SUCO: variants seen among roughly 807,000 people sequenced by gnomAD.
SUCO encodes SUN domain-containing ossification factor.
A neutral mutation model predicts 148.1 loss-of-function variants in SUCO; 57 were observed. The observed-to-expected ratio is 0.38, with a 90% CI of 0.31 to 0.48. The LOEUF (loss-of-function observed/expected upper bound fraction) is 0.48, where lower values mean the gene tolerates loss of function less well. Ranked by LOEUF, SUCO falls within the 20% of genes least tolerant of loss-of-function variation. SUCO has a pLI of 0.96. For synonymous variants in SUCO, 470 were observed against 502.7 expected, an observed-to-expected ratio of 0.93 and a Z score of 0.87; for missense variants, 1,331 against 1,468.2, an observed-to-expected ratio of 0.91 and a Z score of 1.53.
At chr1:172,605,118 A>G (rs1657779481) in intron 22 of SUCO, among the ~76,000 whole-genome samples, 1 of 151,748 alleles carries the variant, frequency 6.6e-6, no homozygotes, top group Non-Finnish European at 1.5e-5. Context: ...ATTTTCTTTC[A>G]TCCTTTAGGT....
chr1:172,579,341 A>T, intron 15 of SUCO, 74 bp downstream of exon 15: 1 of 919,064 alleles, frequency 1.1e-6, no homozygotes, highest in Admixed American at 2.2e-5. Context: ...TTGTCATGGT[A>T]TGGTTGAGGA....
chr1:172,564,202 G>A (rs1654392119), intron 6 of SUCO, among the ~76,000 whole-genome samples: 1 of 152,238 alleles, frequency 6.6e-6, no homozygotes, highest in Admixed American at 6.5e-5. Flanking sequence ...ATATGGGGTG[G>A]GAACCCCCAA....
intron 6 of SUCO, among the ~76,000 whole-genome samples, chr1:172,558,953 T>A (rs944900009): frequency 3.3e-5 from 5 of 152,194 alleles, no homozygotes; most frequent in African/African-American, 9.6e-5. Flanking sequence ...AGAGTAGAAT[T>A]TTAATTAACT....
At chr1:172,538,247 T>C (rs943355749) in intron 1 of SUCO, among the ~76,000 whole-genome samples, 3 of 152,080 alleles carry the variant, frequency 2.0e-5, no homozygotes, top group East Asian at 3.9e-4. Context: ...AGAGTTGATA[T>C]CTAAATCAAG....
chr1:172,611,066 C>T lies in SUCO; in HGVS notation c.*807C>T, dbSNP rs1189879086. On this transcript the variant is annotated 3_prime_UTR_variant, in exon 24 of 24. Coordinates refer to ENST00000263688, the MANE Select transcript of SUCO (RefSeq NM_014283.5). ...GGTTTTCTTTAGCTTACATTTTAAA[C>T]ATACACAATAAACACTAATCCTCCA... The T allele has an allele frequency of 1.3e-5, 2 of 152,622 alleles. No homozygotes were observed. The highest frequency in any genetic ancestry group is 2.9e-5 in the Non-Finnish European group (2 of 68,026). 9.5% of individuals were successfully genotyped at this position (152,622 alleles called of 1,614,324 possible). A position where few individuals can be genotyped will look rare whatever the true frequency, so the allele number is the denominator to read the frequency against.
At chr1:172,549,672 T>C (rs561944561) in intron 1 of SUCO, among the ~76,000 whole-genome samples, 3 of 152,124 alleles carry the variant, frequency 2.0e-5, no homozygotes, top group African/African-American at 7.2e-5. Context: ...TCAGTTGCTA[T>C]ATTGTTTGGA....
At chr1:172,609,778 A>G (rs1658091826) in intron 23 of SUCO, 38 bp from the exon 24 acceptor site, 2 of 1,560,034 alleles carry the variant, frequency 1.3e-6, no homozygotes, top group East Asian at 4.5e-5. Flanking sequence ...TTACTATGGG[A>G]AGTATCATTA....
At chr1:172,573,313 C>T (rs73034032) in intron 9 of SUCO, among the ~76,000 whole-genome samples, 8,468 of 152,148 alleles carry the variant, frequency 0.056, 734 homozygotes, top group African/African-American at 0.19. Context: ...ATGATAGTTT[C>T]TGGTACCAGT....
chr1:172,589,247 G>A lies in SUCO; in HGVS notation c.2146G>A (p.Val716Ile). 3 of 1,613,930 alleles carry A rather than the reference G, an allele frequency of 1.9e-6. No homozygotes were observed. In the South Asian group the frequency reaches 3.3e-5, roughly 18 times the overall value. Residue 716 changes from valine (V) to isoleucine (I), a missense_variant, in exon 18 of 24, where the codon GTA (valine) becomes ATA (isoleucine). Val to Ile is a conservative substitution (Grantham distance 29, BLOSUM62 3). This residue lies in a region of SUCO where 992 missense variants were observed against 1,093.5 expected (regional missense o/e 0.91). Transcript: ENST00000263688. ...CCAGGATGACTTGGTGAATCACACT[G>A]TAGATGCAGTTGAACTTGAACCAAG... ...MHQDDLVNHT[V>I]DAVELEPSHS...
chr1:172,571,046 A>T (rs1161944753), intron 9 of SUCO, among the ~76,000 whole-genome samples: 2 of 152,210 alleles, frequency 1.3e-5, no homozygotes, highest in African/African-American at 4.8e-5. Flanking sequence ...GTAATTCCTG[A>T]GCTGAATCTT....
At chr1:172,601,270 A>C (rs1657503569) in intron 20 of SUCO, among the ~76,000 whole-genome samples, 1 of 152,034 alleles carries the variant, frequency 6.6e-6, no homozygotes, top group Non-Finnish European at 1.5e-5. Context: ...TGGTCAGATC[A>C]CTCGAGGTCA....
intron 1 of SUCO, chr1:172,544,225 G>A: frequency 1.6e-6 from 1 of 625,112 alleles, no homozygotes. Flanking sequence ...GCAATTCTTT[G>A]TTGCCTAGTT....
chr1:172,532,875 G>A, upstream of SUCO: 3 of 1,499,876 alleles, frequency 2.0e-6, no homozygotes, highest in Non-Finnish European at 2.7e-6. Context: ...GCAAGTGGGC[G>A]GGACCTGGGG....
chr1:172,552,430 G>C (rs532417876), intron 2 of SUCO: 1 of 152,532 alleles, frequency 6.6e-6, no homozygotes, highest in African/African-American at 2.4e-5. Flanking sequence ...TTTTAATCTT[G>C]TTATATAGAC....
rs73034006 is a variant in SUCO at position 172,552,324 on chromosome 1, A to G, written c.177+698A>G. Among the ~76,000 whole-genome samples, 236 of 152,128 alleles carry G rather than the reference A, an allele frequency of 1.6e-3. 1 individual carries two copies. Among genetic ancestry groups the G allele is most frequent in the African/African-American group, 5.4e-3 (225 of 41,536 alleles). On this transcript the variant is annotated intron_variant, in intron 2 of 23. Transcript: ENST00000263688. ...AATTAATATTTTTATTTCCATGAAA[A>G]TATCATATAAATATATTACAAATTG...
intron 6 of SUCO, among the ~76,000 whole-genome samples, chr1:172,558,771 A>C (rs1653929828): frequency 6.6e-6 from 1 of 152,220 alleles, no homozygotes; most frequent in African/African-American, 2.4e-5. Context: ...CCATGAATAA[A>C]ATTAGACAAA....
chr1:172,590,056 G>A (rs919118468), intron 18 of SUCO, 130 bp downstream of exon 18: 21 of 696,956 alleles, frequency 3.0e-5, no homozygotes, highest in Admixed American at 1.8e-4. Context: ...ATTTTAGCAA[G>A]AGAGAGAAAG....
intron 6 of SUCO, among the ~76,000 whole-genome samples, chr1:172,559,321 CT>C (rs1653970678): frequency 6.6e-6 from 1 of 152,124 alleles, no homozygotes; most frequent in Non-Finnish European, 1.5e-5. Flanking sequence ...AATGTATGTT[CT>C]TTTTGTTGCA....
At chr1:172,601,022 TAG>T (rs1657478771) in intron 20 of SUCO, among the ~76,000 whole-genome samples, 1 of 152,200 alleles carries the variant, frequency 6.6e-6, no homozygotes, top group Non-Finnish European at 1.5e-5. Flanking sequence ...TAGGACTTCG[TAG>T]ACAATTTAGA....
Sources: allele counts gnomAD v4.1 joint callset (sites outside exome capture counted in the v4.1 genomes callset), GRCh38; gene constraint gnomAD v4.1.1; regional missense constraint gnomAD v4.1.1; transcripts MANE v1.5; gene names NCBI Gene and HGNC (gene_info 2026-07-23, HGNC 2026-07-21).